Variants in ADAM22 observed in about 807,000 individuals in gnomAD.
The protein encoded by ADAM22 is ADAM metallopeptidase domain 22.
Under a neutral mutation model 144.6 loss-of-function variants are expected in ADAM22, and 65 were observed. The observed-to-expected ratio is 0.45, with a 90% CI of 0.37 to 0.55. The LOEUF (loss-of-function observed/expected upper bound fraction) is 0.55, where lower values mean the gene tolerates loss of function less well. Ranked by LOEUF, ADAM22 falls within the 20% of genes least tolerant of loss-of-function variation. The pLI is 0.00. For synonymous variants in ADAM22, 391 were observed against 412.6 expected, an observed-to-expected ratio of 0.95 and a Z score of 0.63; for missense variants, 974 against 1,184.9, an observed-to-expected ratio of 0.82 and a Z score of 2.61.
intron 2 of ADAM22, among the ~76,000 whole-genome samples, chr7:87,975,800 C>T (rs1851767518): frequency 6.6e-6 from 1 of 152,098 alleles, no homozygotes; most frequent in Non-Finnish European, 1.5e-5. Context: ...ATTTCTGATT[C>T]AAAGGAAATT....
Position 87,957,834 on chromosome 7 carries a change from C to T in ADAM22, c.247-20502C>T, listed in dbSNP as rs142365587. ...CTGACCTCAGGTGATCTGCCCACCTCGGCCTCCCAAAGGGCTGGGATTACA... is the reference window on the plus strand; with the variant it reads ...CTGACCTCAGGTGATCTGCCCACCTTGGCCTCCCAAAGGGCTGGGATTACA... On this transcript the variant is annotated intron_variant, in intron 2 of 31. Coordinates refer to ENST00000413139, the MANE Select transcript of ADAM22 (RefSeq NM_001324418.2). 3.3e-3 allele frequency among the ~76,000 whole-genome samples: 496 copies of T among 152,242 alleles called. 3 individuals are homozygous for T. The highest frequency in any genetic ancestry group is 0.011 in the African/African-American group (444 of 41,562).
At chr7:88,010,397 G>A (rs576211176) in intron 3 of ADAM22, among the ~76,000 whole-genome samples, 83 of 152,284 alleles carry the variant, frequency 5.5e-4, no homozygotes, top group African/African-American at 2.0e-3. Context: ...CCACTGGAAG[G>A]TAAGCAGGTT....
At chr7:87,998,581 G>A (rs188607011) in intron 3 of ADAM22, among the ~76,000 whole-genome samples, 9 of 152,160 alleles carry the variant, frequency 5.9e-5, no homozygotes, top group East Asian at 5.8e-4. Context: ...AGTAGAGGCC[G>A]GGTTTCACTA....
Position 88,163,505 on chromosome 7 carries a change from AAG to A in ADAM22, c.2076+329_2076+330del, listed in dbSNP as rs1369590650. 3.9e-5 allele frequency among the ~76,000 whole-genome samples: 6 copies of A among 152,058 alleles called. No individual in the cohort carries two copies. In the East Asian group the frequency reaches 1.2e-3, roughly 29 times the overall value. On this transcript the variant is annotated intron_variant, in intron 23 of 31. Transcript: ENST00000413139. ...AACAAACTATAATGGGATTTTAAGA[AAG>A]AGAATAAAAATTGGATGTGATGGCC...
intron 4 of ADAM22, among the ~76,000 whole-genome samples, chr7:88,102,331 C>T (rs137911664): frequency 2.0e-4 from 30 of 152,208 alleles, no homozygotes; most frequent in African/African-American, 6.7e-4. Flanking sequence ...AGGGAAGGCC[C>T]GGGCATCAGT....
rs563447059 is a variant in ADAM22, at chr7:87,956,786, G to A, written c.247-21550G>A. Among the ~76,000 whole-genome samples, 10 of 152,058 alleles carry A rather than the reference G, an allele frequency of 6.6e-5. No individual in the cohort carries two copies. The South Asian group carries it at 8.3e-4, about 13-fold the overall frequency. ...TGTAGCATGTATCAGTATTTCATTCGTGAGTAGTGTTTCATTATCAATCCA... is the reference window on the plus strand; with the variant it reads ...TGTAGCATGTATCAGTATTTCATTCATGAGTAGTGTTTCATTATCAATCCA... On this transcript the variant is annotated intron_variant, in intron 2 of 31. Coordinates refer to ENST00000413139, the MANE Select transcript of ADAM22 (RefSeq NM_001324418.2).
chr7:88,146,709 A>G (rs1229948196), intron 17 of ADAM22, among the ~76,000 whole-genome samples: 1 of 152,204 alleles, frequency 6.6e-6, no homozygotes, highest in Admixed American at 6.5e-5. Context: ...CAGTTAAGCA[A>G]ACTCAGTCTC....
intron 17 of ADAM22, among the ~76,000 whole-genome samples, chr7:88,145,998 A>G (rs958855949): frequency 1.3e-4 from 20 of 152,140 alleles, no homozygotes; most frequent in African/African-American, 4.8e-4. Context: ...CCATGCATAT[A>G]TTATTGGTCC....
chr7:87,962,838 C>T (rs1848286505), intron 2 of ADAM22, among the ~76,000 whole-genome samples: 1 of 152,080 alleles, frequency 6.6e-6, no homozygotes, highest in African/African-American at 2.4e-5. Context: ...GAAACTGAGG[C>T]ACAGAGAGCT....
rs538929101 is a variant in ADAM22, at chr7:88,042,820, G to A, written c.324-32806G>A. Reference sequence around the variant, plus strand: ...CTTGTTCTTGAGTGTGACTTAATGTGCTTCTAACCTAATCTCAAGGTGTCC... The same window carrying A: ...CTTGTTCTTGAGTGTGACTTAATGTACTTCTAACCTAATCTCAAGGTGTCC... On this transcript the variant is annotated intron_variant, in intron 3 of 31. Coordinates refer to ENST00000413139, the MANE Select transcript of ADAM22 (RefSeq NM_001324418.2). Among the ~76,000 whole-genome samples the A allele has an allele frequency of 9.2e-5, 14 of 151,512 alleles. No homozygotes were observed. In the East Asian group the frequency reaches 2.7e-3, roughly 29 times the overall value.
At chr7:88,034,858 TTCTC>T (rs1563072292) in intron 3 of ADAM22, among the ~76,000 whole-genome samples, 1 of 152,130 alleles carries the variant, frequency 6.6e-6, no homozygotes, top group Admixed American at 6.5e-5. Flanking sequence ...AGTGCACAGT[TTCTC>T]TCTCTGTGCC....
intron 4 of ADAM22, among the ~76,000 whole-genome samples, chr7:88,083,233 C>T (rs1015678264): frequency 3.3e-5 from 5 of 151,888 alleles, no homozygotes; most frequent in Admixed American, 6.6e-5. Flanking sequence ...CAAACTATTG[C>T]GAGGACAAAA....
rs149018018 is a variant in ADAM22, at chr7:87,971,032, T to C, written c.247-7304T>C. On this transcript the variant is annotated intron_variant, in intron 2 of 31. Transcript: ENST00000413139. ...CATACTGCAAGCACATACTTTACCATATCCATGTAATTTCTTTTCCTTAAG... is the reference window on the plus strand; with the variant it reads ...CATACTGCAAGCACATACTTTACCACATCCATGTAATTTCTTTTCCTTAAG... Among the ~76,000 whole-genome samples the C allele has an allele frequency of 4.5e-4, 68 of 152,280 alleles. No homozygotes were observed. In the East Asian group the frequency reaches 0.013, roughly 29 times the overall value.
At chr7:88,077,007 TG>T (rs1225450846) in intron 4 of ADAM22, among the ~76,000 whole-genome samples, 2 of 152,220 alleles carry the variant, frequency 1.3e-5, no homozygotes, top group Non-Finnish European at 2.9e-5. Flanking sequence ...GTTTTCATTT[TG>T]TTATTTGAGT....
At chr7:88,155,755 T>C in intron 21 of ADAM22, 132 bp from the exon 22 acceptor site, 1 of 1,054,020 alleles carries the variant, frequency 9.5e-7, no homozygotes, top group Non-Finnish European at 1.3e-6. Flanking sequence ...GGACTTATTT[T>C]ATTTCACTTG....
rs1050075098 is a variant in ADAM22 at position 88,196,371 on chromosome 7, T to C, written c.2875-100T>C. Reference sequence around the variant, plus strand: ...GCAAGAGTGTGCATCCACAATCACATATATATGGATGGAATCACTGAATCT... The same window carrying C: ...GCAAGAGTGTGCATCCACAATCACACATATATGGATGGAATCACTGAATCT... On this transcript the variant is annotated intron_variant, in intron 31 of 31. Transcript: ENST00000413139. 1.2e-5 allele frequency: 17 copies of C among 1,365,566 alleles called. No homozygotes were observed. The African/African-American group carries it at 2.4e-4, about 20-fold the overall frequency. 84.6% of individuals were successfully genotyped at this position (1,365,566 alleles called of 1,614,324 possible).
intron 4 of ADAM22, among the ~76,000 whole-genome samples, chr7:88,100,070 C>A (rs555148838): frequency 6.6e-6 from 1 of 152,158 alleles, no homozygotes; most frequent in African/African-American, 2.4e-5. Flanking sequence ...TTGGTTTTGA[C>A]AAATATACTA....
At chr7:88,028,942 G>GT (rs1199566256) in intron 3 of ADAM22, among the ~76,000 whole-genome samples, 3 of 151,598 alleles carry the variant, frequency 2.0e-5, no homozygotes, top group Admixed American at 2.0e-4. Context: ...GTGGAGTCTT[G>GT]TTTTTTTATC....
At chr7:87,975,794 C>G (rs183463204) in intron 2 of ADAM22, among the ~76,000 whole-genome samples, 1 of 152,132 alleles carries the variant, frequency 6.6e-6, no homozygotes, top group African/African-American at 2.4e-5. Context: ...ATTAATATTT[C>G]TGATTCAAAG....
Sources: allele counts gnomAD v4.1 joint callset (sites outside exome capture counted in the v4.1 genomes callset), GRCh38; gene constraint gnomAD v4.1.1; transcripts MANE v1.5; gene names NCBI Gene and HGNC (gene_info 2026-07-23, HGNC 2026-07-21).